HSP90B1: variants seen among roughly 807,000 people sequenced by gnomAD.
The protein encoded by HSP90B1 is heat shock protein 90 beta family member 1.
Under a neutral mutation model 100.4 loss-of-function variants are expected in HSP90B1, and 27 were observed. The ratio of observed to expected loss-of-function variants is 0.27; its 90% confidence interval spans 0.20 to 0.37. HSP90B1 has a LOEUF of 0.37. Ranked by LOEUF, HSP90B1 falls within the 10% of genes least tolerant of loss-of-function variation. The pLI is 1.00. For missense variants in HSP90B1, 678 were observed against 960.5 expected (o/e 0.71, Z 3.89); for synonymous variants, 304 against 330.8 (o/e 0.92, Z 0.88).
Position 103,932,931 on chromosome 12 carries a change from G to A in HSP90B1, c.400G>A (p.Val134Ile), listed in dbSNP as rs1158190787. ...TCTTTCTGGAAATGAGGAACTAACA[G>A]TCAAAATTAAGGTAAGTGTAAGGCA... is the stretch of plus-strand genomic sequence containing the variant. ...NALSGNEELT[V>I]KIKCDKEKNL... Residue 134 changes from valine to isoleucine, a missense_variant, in exon 4 of 18, where the codon GTC (valine) becomes ATC (isoleucine). Around this residue, in one of 8 missense-constraint regions of HSP90B1, gnomAD observed 238 missense variants for 346.7 expected, o/e 0.69. Transcript: ENST00000299767. 3 of 1,533,108 alleles carry A rather than the reference G, an allele frequency of 2.0e-6. No individual in the cohort carries two copies. Among genetic ancestry groups the A allele is most frequent in the Admixed American group, 3.3e-5 (2 of 59,884 alleles). The allele number at this position is 1,533,108 out of a possible 1,614,324, so 95.0% of individuals were successfully genotyped here.
intron 5 of HSP90B1, 112 bp downstream of exon 5, chr12:103,934,399 T>C (rs1368344899): frequency 2.1e-5 from 18 of 853,032 alleles, no homozygotes; most frequent in Non-Finnish European, 3.3e-5. Context: ...TCCTGCCTTA[T>C]AAAATGAGGA....
At chr12:103,946,145 G>A (rs892512006) in intron 14 of HSP90B1, among the ~76,000 whole-genome samples, 4 of 152,094 alleles carry the variant, frequency 2.6e-5, no homozygotes, top group African/African-American at 9.7e-5. Flanking sequence ...CTATTATACT[G>A]TATTGGGTTT....
Position 103,943,474 on chromosome 12 carries a change from C to T in HSP90B1, c.1890+155C>T. 1.3e-6 allele frequency: 1 copy of T among 761,926 alleles called. No homozygotes were observed. The highest frequency in any genetic ancestry group is 2.1e-6 in the Non-Finnish European group (1 of 479,026). 47.2% of individuals were successfully genotyped at this position (761,926 alleles called of 1,614,324 possible). A position where few individuals can be genotyped will look rare whatever the true frequency, so the allele number is the denominator to read the frequency against. ...TAAATTATTGGGAGAAAGCTTAAAA[C>T]TTTCGACAATACTGCTTTGTTAATA... On this transcript the variant is annotated intron_variant, in intron 13 of 17. Transcript: ENST00000299767. This position sits in a 1 kb window ranked among gnomAD's most constrained non-coding sequence, Gnocchi z 5.3.
At position 103,932,142 on chromosome 12, in the gene HSP90B1, C is replaced by T. The variant is rs547695516; in HGVS notation, c.153-135C>T. ...GTGCTAACATAATGAGACGGTATAT[C>T]AGTTATATTTTATAAAGGTTTCCAT... On this transcript the variant is annotated intron_variant, in intron 2 of 17. Transcript: ENST00000299767. The T allele has an allele frequency of 2.2e-4, 138 of 614,160 alleles. 1 individual carries two copies. Among genetic ancestry groups the T allele is most frequent in the African/African-American group, 2.2e-3 (120 of 53,580 alleles). The allele number at this position is 614,160 out of a possible 1,614,324, so 38.0% of individuals were successfully genotyped here.
intron 2 of HSP90B1, chr12:103,931,857 G>A (rs1288452349): frequency 3.7e-6 from 2 of 542,108 alleles, no homozygotes; most frequent in Non-Finnish European, 6.8e-6. Flanking sequence ...AACTTTGTAA[G>A]ACTTTATAGA....
intron 8 of HSP90B1, among the ~76,000 whole-genome samples, chr12:103,940,697 C>CA (rs1252180703): frequency 2.6e-5 from 4 of 151,752 alleles, no homozygotes; most frequent in Non-Finnish European, 5.9e-5. Flanking sequence ...AGAAGCCATA[C>CA]AAAAAAAGGA....
Position 103,932,767 on chromosome 12 carries a change from C to T in HSP90B1, c.295-59C>T, listed in dbSNP as rs1267742308. ...GAAATAAATGGGTTTGGCATAAAAT[C>T]GAATATCTTAATGCATCTTGAGGAT... is the stretch of plus-strand genomic sequence containing the variant. On this transcript the variant is annotated intron_variant, in intron 3 of 17. Transcript: ENST00000299767. 4 of 899,910 alleles carry T rather than the reference C, an allele frequency of 4.4e-6. No individual in the cohort carries two copies. In the African/African-American group the frequency reaches 6.6e-5, roughly 15 times the overall value. 55.7% of individuals were successfully genotyped at this position (899,910 alleles called of 1,614,324 possible).
Position 103,943,608 on chromosome 12 carries a change from A to G in HSP90B1, c.1891-130A>G. The stretch of plus-strand genomic sequence containing the variant: ...CCTACAAATTCTCCTAAACCTTAAG[A>G]AAAGCTATTTTTATGACCTGCTTCT... On this transcript the variant is annotated intron_variant, in intron 13 of 17. Coordinates refer to ENST00000299767, the MANE Select transcript of HSP90B1 (RefSeq NM_003299.3). This position sits in a 1 kb window ranked among gnomAD's most constrained non-coding sequence, Gnocchi z 5.3. 2.0e-6 allele frequency: 2 copies of G among 979,090 alleles called. No homozygotes were observed. The highest frequency in any genetic ancestry group is 2.9e-6 in the Non-Finnish European group (2 of 681,774). 60.7% of individuals were successfully genotyped at this position (979,090 alleles called of 1,614,324 possible). A position where few individuals can be genotyped will look rare whatever the true frequency, so the allele number is the denominator to read the frequency against.
chr12:103,936,857 A>G (rs1234471205), intron 5 of HSP90B1, among the ~76,000 whole-genome samples: 1 of 152,164 alleles, frequency 6.6e-6, no homozygotes, highest in Non-Finnish European at 1.5e-5. Context: ...CCAGGGGCCT[A>G]GTCACTCACT....
chr12:103,934,644 C>T (rs576186597), intron 5 of HSP90B1, among the ~76,000 whole-genome samples: 1 of 152,196 alleles, frequency 6.6e-6, no homozygotes, highest in Non-Finnish European at 1.5e-5. Flanking sequence ...ATAGCATGCT[C>T]ACTAGATGAA....
At chr12:103,944,355 G>A (rs976815233) in intron 14 of HSP90B1, among the ~76,000 whole-genome samples, 2 of 151,912 alleles carry the variant, frequency 1.3e-5, no homozygotes, top group Non-Finnish European at 2.9e-5. Flanking sequence ...TGAACTCAAG[G>A]GCCTATACCT....
rs1411334111 is a variant in HSP90B1, at chr12:103,930,539, C to T, written c.24C>T (p.Gly8=). The change falls in exon 1 of 18, where the codon GGC becomes GGT. Residue 8 remains glycine, a synonymous_variant. Transcript: ENST00000299767. This position sits in a 1 kb window ranked among gnomAD's most constrained non-coding sequence, Gnocchi z 4.4. The part of the protein sequence containing the change: MRALWVL[G]LCCVLLTFGS... ...CCATGAGGGCCCTGTGGGTGCTGGGCCTCTGCTGCGTCCTGCTGACCTTCG... is the reference window on the plus strand; with the variant it reads ...CCATGAGGGCCCTGTGGGTGCTGGGTCTCTGCTGCGTCCTGCTGACCTTCG... 1 of 1,611,188 alleles carries T rather than the reference C, an allele frequency of 6.2e-7. No homozygotes were observed. The highest frequency in any genetic ancestry group is 1.3e-5 in the African/African-American group (1 of 74,752).
intron 14 of HSP90B1, among the ~76,000 whole-genome samples, chr12:103,944,796 C>T (rs979602070): frequency 3.3e-5 from 5 of 152,194 alleles, no homozygotes; most frequent in African/African-American, 4.8e-5. Flanking sequence ...CCTCATGATC[C>T]GCCCTCTGCG....
rs538082373 is a variant in HSP90B1, at chr12:103,940,139, G to GT, written c.1092+518dup. Among the ~76,000 whole-genome samples, 331 of 152,192 alleles carry GT rather than the reference G, an allele frequency of 2.2e-3. 2 individuals are homozygous for GT. Among genetic ancestry groups the GT allele is most frequent in the Non-Finnish European group, 4.0e-3 (273 of 68,006 alleles). On this transcript the variant is annotated intron_variant, in intron 8 of 17. Coordinates refer to ENST00000299767, the MANE Select transcript of HSP90B1 (RefSeq NM_003299.3). ...TGTAGCCTTCACCAGCTTGCCAAGG[G>GT]TTTTGTGTGACAAAAAAAGATTAAG...
chr12:103,938,310 A>C, intron 6 of HSP90B1, 30 bp from the exon 7 acceptor site: 1 of 1,511,694 alleles, frequency 6.6e-7, no homozygotes, highest in South Asian at 1.3e-5. Context: ...TAAACAAATG[A>C]GTTTAACCAT....
chr12:103,943,170 C>T lies in HSP90B1; in HGVS notation c.1741C>T (p.Pro581Ser), dbSNP rs903938928. Residue 581 changes from proline (P) to serine (S), a missense_variant, in exon 13 of 18, where the codon CCC (proline) becomes TCC (serine). By Grantham distance (74) the Pro-to-Ser change is moderately conservative. Around this residue, in one of 8 missense-constraint regions of HSP90B1, gnomAD observed 170 missense variants for 236.7 expected, o/e 0.72. Coordinates refer to ENST00000299767, the MANE Select transcript of HSP90B1 (RefSeq NM_003299.3). The surrounding 1 kb of genome is among the most constrained non-coding windows in gnomAD (Gnocchi z 5.3). ...GGATGAATACTGTATTCAGGCCCTT[C>T]CCGAATTTGATGGGAAGAGGTTCCA... ...PVDEYCIQAL[P>S]EFDGKRFQNV... 5.6e-6 allele frequency: 9 copies of T among 1,614,002 alleles called. No homozygotes were observed. The highest frequency in any genetic ancestry group is 1.1e-5 in the South Asian group (1 of 91,086).
chr12:103,939,430 T>A, intron 7 of HSP90B1, 79 bp from the exon 8 acceptor site: 1 of 634,272 alleles, frequency 1.6e-6, no homozygotes, highest in Non-Finnish European at 2.7e-6. Context: ...TCTTTTGAAA[T>A]CTACTGAAGC....
intron 5 of HSP90B1, 27 bp from the exon 6 acceptor site, chr12:103,937,668 T>C (rs1221244652): frequency 9.2e-7 from 1 of 1,088,306 alleles, no homozygotes; most frequent in Non-Finnish European, 1.4e-6. Context: ...ATGTTAGGTG[T>C]CTCTAAACAT....
Position 103,942,655 on chromosome 12 carries a change from G to A in HSP90B1, c.1503G>A (p.Ser501=), listed in dbSNP as rs768070489. 22 of 1,613,874 alleles carry A rather than the reference G, an allele frequency of 1.4e-5. No homozygotes were observed. Among genetic ancestry groups the A allele is most frequent in the South Asian group, 4.4e-5 (4 of 91,066 alleles). ...AGCTTGGTGTGATTGAAGACCACTC[G>A]AATCGAACACGTCTTGCTAAACTTC... ...NIKLGVIEDH[S]NRTRLAKLLR... The change falls in exon 12 of 18, where the codon TCG becomes TCA. Residue 501 remains serine (S), a synonymous_variant. Coordinates refer to ENST00000299767, the MANE Select transcript of HSP90B1 (RefSeq NM_003299.3).
Sources: allele counts gnomAD v4.1 joint callset (sites outside exome capture counted in the v4.1 genomes callset), GRCh38; gene constraint gnomAD v4.1.1; regional missense constraint gnomAD v4.1.1; non-coding constraint Gnocchi (gnomAD v3.1); transcripts MANE v1.5; gene names NCBI Gene and HGNC (gene_info 2026-07-23, HGNC 2026-07-21).